Variants in CRISPLD2 observed in about 807,000 individuals in gnomAD.
The protein encoded by CRISPLD2 is cysteine rich secretory protein LCCL domain containing 2.
Under a neutral mutation model 71.1 loss-of-function variants are expected in CRISPLD2, and 47 were observed. That is an observed-to-expected ratio of 0.66 (90% CI 0.52 to 0.84). The LOEUF (loss-of-function observed/expected upper bound fraction) is 0.84, where lower values mean the gene tolerates loss of function less well. Ranked by LOEUF, CRISPLD2 falls within the 40% of genes least tolerant of loss-of-function variation. The pLI, the probability that CRISPLD2 is intolerant of heterozygous loss-of-function variation, is 0.00. For synonymous variants in CRISPLD2, 317 were observed against 250.1 expected, an observed-to-expected ratio of 1.27 and a Z score of -2.52; for missense variants, 830 against 651.1, an observed-to-expected ratio of 1.27 and a Z score of -2.99.
At chr16:84,875,364 G>A (rs73251522) in intron 11 of CRISPLD2, among the ~76,000 whole-genome samples, 1,969 of 148,818 alleles carry the variant, frequency 0.013, 51 homozygotes, top group African/African-American at 0.047. Context: ...GACTCTGAAT[G>A]TGCCCAACAC....
intron 6 of CRISPLD2, among the ~76,000 whole-genome samples, chr16:84,855,055 C>A (rs1429313747): frequency 6.6e-6 from 1 of 152,162 alleles, no homozygotes; most frequent in African/African-American, 2.4e-5. Context: ...CGAGACATGG[C>A]TTCCCATGGG....
chr16:84,880,946 C>A (rs775814862), intron 13 of CRISPLD2, among the ~76,000 whole-genome samples: 2 of 152,082 alleles, frequency 1.3e-5, no homozygotes, highest in Non-Finnish European at 2.9e-5. Flanking sequence ...CTCAGATGAT[C>A]CGCCCACCTC....
chr16:84,846,016 C>T, intron 3 of CRISPLD2, 112 bp downstream of exon 3: 1 of 634,500 alleles, frequency 1.6e-6, no homozygotes, highest in South Asian at 2.0e-5. Flanking sequence ...AGAGAGACCA[C>T]CCGTCCCATC....
chr16:84,849,668 GA>G (rs1436838481), intron 4 of CRISPLD2, 151 bp downstream of exon 4: 1 of 785,544 alleles, frequency 1.3e-6, no homozygotes. Flanking sequence ...ACAGCTGGGA[GA>G]AGAAGCTGTT....
chr16:84,881,713 C>T (rs810159), intron 13 of CRISPLD2, among the ~76,000 whole-genome samples: 9,157 of 152,068 alleles, frequency 0.06, 935 homozygotes, highest in African/African-American at 0.21. Context: ...TGGGCTCGAG[C>T]GATCCTCCCT....
chr16:84,849,303 C>G (rs573927241), intron 3 of CRISPLD2, 82 bp from the exon 4 acceptor site: 4 of 1,397,342 alleles, frequency 2.9e-6, no homozygotes, highest in Non-Finnish European at 3.9e-6. Context: ...CTCCCTCCCT[C>G]CTACCTGCCC....
At position 84,908,873 on chromosome 16, in the gene CRISPLD2, G is replaced by A. The variant is rs1397636939; in HGVS notation, c.*2231G>A. The A allele has an allele frequency of 1.3e-5, 2 of 152,022 alleles. No homozygotes were observed. Among genetic ancestry groups the A allele is most frequent in the African/African-American group, 4.8e-5 (2 of 41,356 alleles). 9.4% of individuals were successfully genotyped at this position (152,022 alleles called of 1,614,324 possible). A position where few individuals can be genotyped will look rare whatever the true frequency, so the allele number is the denominator to read the frequency against. ...CCGGCTAATTTTTGTATTTTTAGTA[G>A]AGATGGGGTTTCATTATGTTGGCCA... is the stretch of plus-strand genomic sequence containing the variant. On this transcript the variant is annotated 3_prime_UTR_variant, in exon 15 of 15. Transcript: ENST00000262424.
At chr16:84,863,588 G>A (rs1233999743) in intron 6 of CRISPLD2, among the ~76,000 whole-genome samples, 1 of 152,248 alleles carries the variant, frequency 6.6e-6, no homozygotes, top group Non-Finnish European at 1.5e-5. Context: ...AGCCTGGGCA[G>A]GGCCCTTACC....
rs115360478 is a variant in CRISPLD2 at position 84,832,948 on chromosome 16, G to A, written c.-74-5474G>A. On this transcript the variant is annotated intron_variant, in intron 1 of 14. Coordinates refer to ENST00000262424, the MANE Select transcript of CRISPLD2 (RefSeq NM_031476.4). ...CACATGGTTTGGTGATCCCCTAAAT[G>A]TCCACAAAGCCTCGGCCAGGGTAGA... 8.9e-3 allele frequency among the ~76,000 whole-genome samples: 1,362 copies of A among 152,302 alleles called. 14 individuals carry two copies. The highest frequency in any genetic ancestry group is 0.046 in the East Asian group (236 of 5,184).
chr16:84,837,630 G>A (rs1380842163), intron 1 of CRISPLD2, among the ~76,000 whole-genome samples: 4 of 152,062 alleles, frequency 2.6e-5, no homozygotes. Context: ...TGTTAGCCAG[G>A]ATGGTCTCGA....
chr16:84,876,497 G>A lies in CRISPLD2; in HGVS notation c.1157-941G>A, dbSNP rs148238735. ...AGCCTGGGCGACAGAGTGAGACTCC[G>A]TCTCAAAAAAAAAAGGCCGGTGCAG... On this transcript the variant is annotated intron_variant, in intron 11 of 14. Coordinates refer to ENST00000262424, the MANE Select transcript of CRISPLD2 (RefSeq NM_031476.4). 6.7e-3 allele frequency among the ~76,000 whole-genome samples: 960 copies of A among 143,938 alleles called. 7 individuals are homozygous for A. Among genetic ancestry groups the A allele is most frequent in the Middle Eastern group, 0.031 (8 of 256 alleles). 94.4% of individuals were successfully genotyped at this position (143,938 alleles called of 152,430 possible).
intron 14 of CRISPLD2, among the ~76,000 whole-genome samples, chr16:84,902,851 C>T (rs1357397614): frequency 6.8e-6 from 1 of 146,356 alleles, no homozygotes; most frequent in East Asian, 2.3e-4. Flanking sequence ...TCGCTCACCG[C>T]AACCTCCACC....
At chr16:84,829,226 A>G (rs970484298) in intron 1 of CRISPLD2, 7 of 152,380 alleles carry the variant, frequency 4.6e-5, no homozygotes, top group African/African-American at 1.4e-4. Context: ...CAGCTAGGGA[A>G]GGAGCTGGAG....
intron 14 of CRISPLD2, among the ~76,000 whole-genome samples, chr16:84,892,076 C>T (rs1347875970): frequency 6.6e-6 from 1 of 152,174 alleles, no homozygotes; most frequent in Non-Finnish European, 1.5e-5. Flanking sequence ...TTGGGTTCAG[C>T]TTTTCTGTGC....
intron 8 of CRISPLD2, among the ~76,000 whole-genome samples, chr16:84,870,973 G>A (rs1409939816): frequency 6.6e-6 from 1 of 152,048 alleles, no homozygotes; most frequent in African/African-American, 2.4e-5. Context: ...CACAAGAATC[G>A]CTTGAACCTG....
chr16:84,820,514 C>T (rs146452348), intron 1 of CRISPLD2, among the ~76,000 whole-genome samples: 75 of 152,268 alleles, frequency 4.9e-4, no homozygotes, highest in African/African-American at 1.7e-3. Context: ...ATGGATATGG[C>T]AGGCATTAGA....
chr16:84,853,502 C>A (rs1360599506), intron 5 of CRISPLD2, among the ~76,000 whole-genome samples: 1 of 152,240 alleles, frequency 6.6e-6, no homozygotes, highest in Non-Finnish European at 1.5e-5. Context: ...CCCTGTCCTC[C>A]CCACACTGCA....
At chr16:84,828,242 G>C (rs1916404065) in intron 1 of CRISPLD2, 2 of 152,194 alleles carry the variant, frequency 1.3e-5, no homozygotes, top group African/African-American at 4.8e-5. Flanking sequence ...CTGGGGCCCT[G>C]AATTTACTCA....
chr16:84,843,603 T>C (rs948648389), intron 2 of CRISPLD2, among the ~76,000 whole-genome samples: 9 of 152,196 alleles, frequency 5.9e-5, no homozygotes, highest in African/African-American at 1.7e-4. Context: ...CCCTTTCTCA[T>C]AGGGTTGTTT....
Sources: allele counts gnomAD v4.1 joint callset (sites outside exome capture counted in the v4.1 genomes callset), GRCh38; gene constraint gnomAD v4.1.1; transcripts MANE v1.5; gene names NCBI Gene and HGNC (gene_info 2026-07-23, HGNC 2026-07-21).